Variants in RUNX1 observed in about 807,000 individuals in gnomAD.
The protein encoded by RUNX1 is RUNX family transcription factor 1.
RUNX1 carries 19 observed loss-of-function variants against 42.8 expected under a neutral mutation model. The observed-to-expected ratio is 0.44, with a 90% CI of 0.31 to 0.65. The LOEUF (loss-of-function observed/expected upper bound fraction) is 0.65. Among genes scored for constraint, RUNX1 ranks in the 30% least tolerant of loss-of-function variants. The pLI is 0.07. For synonymous variants in RUNX1, 271 were observed against 289.4 expected (o/e 0.94, Z 0.64); for missense variants, 528 against 672.0 (o/e 0.79, Z 2.37).
intron 6 of RUNX1, among the ~76,000 whole-genome samples, chr21:34,841,787 T>C (rs1019156564): frequency 6.6e-6 from 1 of 152,224 alleles, no homozygotes; most frequent in Non-Finnish European, 1.5e-5. Context: ...GAGGAGTTCC[T>C]GGAGATCCCC....
chr21:34,926,801 G>T (rs1386098623), intron 2 of RUNX1, among the ~76,000 whole-genome samples: 2 of 152,010 alleles, frequency 1.3e-5, no homozygotes, highest in Non-Finnish European at 2.9e-5. Context: ...AAAGCATTTA[G>T]CTTTCACCAT....
At chr21:34,958,958 C>A (rs1472107945) in intron 2 of RUNX1, among the ~76,000 whole-genome samples, 1 of 151,112 alleles carries the variant, frequency 6.6e-6, no homozygotes, top group Non-Finnish European at 1.5e-5. Context: ...AGACAAAAAA[C>A]CAAACACCGC....
At chr21:34,824,114 A>G (rs2056951765) in intron 7 of RUNX1, among the ~76,000 whole-genome samples, 1 of 152,206 alleles carries the variant, frequency 6.6e-6, no homozygotes, top group African/African-American at 2.4e-5. Context: ...TTCAGTCAAC[A>G]TTTAGTCAAA....
At chr21:35,022,313 C>G (rs2059204469) in intron 2 of RUNX1, among the ~76,000 whole-genome samples, 2 of 152,196 alleles carry the variant, frequency 1.3e-5, no homozygotes, top group Non-Finnish European at 2.9e-5. Context: ...GAGGTTCCTT[C>G]TCGGTCTTAC....
At chr21:34,831,132 C>T (rs550383490) in intron 7 of RUNX1, among the ~76,000 whole-genome samples, 1 of 152,208 alleles carries the variant, frequency 6.6e-6, no homozygotes, top group African/African-American at 2.4e-5. Context: ...AAAAAGAATT[C>T]TAAGACTCGA....
chr21:34,856,221 C>A (rs188419436), intron 6 of RUNX1: 7 of 417,314 alleles, frequency 1.7e-5, no homozygotes, highest in South Asian at 3.5e-5. Flanking sequence ...ACTTAGTCAG[C>A]GGAATGGCAG....
At chr21:34,999,955 C>A (rs985543729) in intron 2 of RUNX1, among the ~76,000 whole-genome samples, 1 of 152,196 alleles carries the variant, frequency 6.6e-6, no homozygotes, top group African/African-American at 2.4e-5. Flanking sequence ...TCATCTTTAT[C>A]GGGCTGAACG....
chr21:34,928,094 C>A (rs1050361963), intron 2 of RUNX1, among the ~76,000 whole-genome samples: 1 of 152,184 alleles, frequency 6.6e-6, no homozygotes, highest in Admixed American at 6.5e-5. Flanking sequence ...TAAATAGCCA[C>A]TAGTCTTATG....
intron 2 of RUNX1, among the ~76,000 whole-genome samples, chr21:35,014,213 A>G (rs1053150208): frequency 1.3e-5 from 2 of 152,186 alleles, no homozygotes; most frequent in African/African-American, 4.8e-5. Context: ...TACTTTAATT[A>G]ATTGGATTTT....
At chr21:34,921,070 G>A (rs1000017149) in intron 2 of RUNX1, among the ~76,000 whole-genome samples, 1 of 152,090 alleles carries the variant, frequency 6.6e-6, no homozygotes. Context: ...TGTTGGCCAG[G>A]CTGGTCTTAA....
intron 7 of RUNX1, among the ~76,000 whole-genome samples, chr21:34,811,469 G>A (rs1346932829): frequency 6.6e-6 from 1 of 152,170 alleles, no homozygotes; most frequent in Non-Finnish European, 1.5e-5. Context: ...TCAGGGAACT[G>A]CCCTGTGGGA....
chr21:34,895,895 C>T (rs890139225), intron 2 of RUNX1, among the ~76,000 whole-genome samples: 4 of 151,818 alleles, frequency 2.6e-5, no homozygotes, highest in Admixed American at 6.6e-5. Context: ...AACAACAGCT[C>T]GGTGAGTTGG....
chr21:35,035,834 T>G (rs902974062), intron 2 of RUNX1, among the ~76,000 whole-genome samples: 2 of 152,228 alleles, frequency 1.3e-5, no homozygotes, highest in African/African-American at 4.8e-5. Flanking sequence ...CTCTGCTTTC[T>G]GCTCCTTCAG....
At chr21:34,997,473 G>A (rs754010427) in intron 2 of RUNX1, among the ~76,000 whole-genome samples, 1 of 152,346 alleles carries the variant, frequency 6.6e-6, no homozygotes, top group Non-Finnish European at 1.5e-5. Flanking sequence ...GAGATGGTGT[G>A]TGGAACACCA....
intron 7 of RUNX1, among the ~76,000 whole-genome samples, chr21:34,812,968 T>C (rs898793536): frequency 1.3e-4 from 20 of 152,192 alleles, no homozygotes; most frequent in African/African-American, 4.1e-4. Flanking sequence ...AGGGTCAAAA[T>C]TGACTTACTA....
chr21:35,003,367 A>G (rs973684104), intron 2 of RUNX1, among the ~76,000 whole-genome samples: 7 of 152,328 alleles, frequency 4.6e-5, no homozygotes, highest in Admixed American at 4.6e-4. Context: ...CCTGCATGTG[A>G]GTAACAAGGA....
At chr21:34,816,373 A>C (rs2056826693) in intron 7 of RUNX1, among the ~76,000 whole-genome samples, 1 of 150,016 alleles carries the variant, frequency 6.7e-6, no homozygotes, top group African/African-American at 2.5e-5. Context: ...CTCTGGGGAG[A>C]AGAGTGTGTA....
intron 2 of RUNX1, among the ~76,000 whole-genome samples, chr21:34,940,751 C>T (rs567038910): frequency 1.1e-4 from 17 of 152,320 alleles, no homozygotes; most frequent in Admixed American, 9.2e-4. Context: ...TAAGAAGACG[C>T]TTCATCTAGA....
chr21:34,885,336 C>T (rs1460392276), intron 4 of RUNX1, among the ~76,000 whole-genome samples: 3 of 152,128 alleles, frequency 2.0e-5, no homozygotes, highest in Non-Finnish European at 4.4e-5. Context: ...AAAGAGTCAT[C>T]GCTGAGTCCA....
Sources: allele counts gnomAD v4.1 joint callset (sites outside exome capture counted in the v4.1 genomes callset), GRCh38; gene constraint gnomAD v4.1.1; transcripts MANE v1.5; gene names NCBI Gene and HGNC (gene_info 2026-07-23, HGNC 2026-07-21).